EVL: variants seen among roughly 807,000 people sequenced by gnomAD.
EVL encodes Enah/Vasp-like, also known as ena/VASP-like protein.
In EVL, 21 loss-of-function variants were observed where a neutral mutation model predicts 59.6. That is an observed-to-expected ratio of 0.35 (90% CI 0.25 to 0.51). The LOEUF (loss-of-function observed/expected upper bound fraction) is 0.51, where lower values mean the gene tolerates loss of function less well. EVL is among the 20% of genes least tolerant of loss of function. The pLI is 0.97. For synonymous variants in EVL, 198 were observed against 203.5 expected, an observed-to-expected ratio of 0.97 and a Z score of 0.23; for missense variants, 462 against 546.6, an observed-to-expected ratio of 0.85 and a Z score of 1.54.
intron 1 of EVL, among the ~76,000 whole-genome samples, chr14:99,981,446 A>T (rs2060805907): frequency 6.6e-6 from 1 of 152,216 alleles, no homozygotes; most frequent in African/African-American, 2.4e-5. Context: ...AAATTAAAAA[A>T]AAGAAAAGTA....
Position 100,127,227 on chromosome 14 carries a change from G to A in EVL, c.487+456G>A, listed in dbSNP as rs563404195. On this transcript the variant is annotated intron_variant, in intron 5 of 13. Coordinates refer to ENST00000392920, the MANE Select transcript of EVL (RefSeq NM_016337.3). The surrounding 1 kb of genome is among the most constrained non-coding windows in gnomAD (Gnocchi z 4.2). ...CTTCCCACAGGAGGCGCTGCCACGC[G>A]TCTGTCTTGGACGTTCGGTGGAGCT... 1.2e-4 allele frequency among the ~76,000 whole-genome samples: 18 copies of A among 152,356 alleles called. No homozygotes were observed. Among genetic ancestry groups the A allele is most frequent in the Admixed American group, 9.1e-4 (14 of 15,312 alleles).
intron 1 of EVL, among the ~76,000 whole-genome samples, chr14:100,028,094 C>T (rs1595581845): frequency 6.7e-6 from 1 of 150,174 alleles, no homozygotes; most frequent in South Asian, 2.1e-4. Context: ...ATTTCTGGAT[C>T]ATATGGTAGT....
At chr14:100,055,293 T>C (rs1014653109) in intron 1 of EVL, among the ~76,000 whole-genome samples, 1 of 152,192 alleles carries the variant, frequency 6.6e-6, no homozygotes, top group African/African-American at 2.4e-5. Context: ...TTTCGTGTCT[T>C]GCCTTTTTCT....
At chr14:100,050,935 T>TG (rs1308091592) in intron 1 of EVL, among the ~76,000 whole-genome samples, 4 of 149,320 alleles carry the variant, frequency 2.7e-5, no homozygotes, top group Non-Finnish European at 4.4e-5. Context: ...AATTAAGAGA[T>TG]GGGGGTCTTA....
intron 11 of EVL, chr14:100,140,947 C>G: frequency 2.1e-6 from 1 of 484,398 alleles, no homozygotes. Flanking sequence ...TTGACCCCAG[C>G]CAGCCTTGGC....
At chr14:100,125,085 CACAG>C (rs1287216920) in intron 4 of EVL, among the ~76,000 whole-genome samples, 6 of 150,866 alleles carry the variant, frequency 4.0e-5, no homozygotes, top group African/African-American at 7.3e-5. Context: ...TGGGACCACA[CACAG>C]ACACAGACAC....
At chr14:100,042,227 A>T (rs72711912) in intron 1 of EVL, among the ~76,000 whole-genome samples, 2,708 of 152,312 alleles carry the variant, frequency 0.018, 35 homozygotes, top group Non-Finnish European at 0.027. Context: ...TGGACCGGCC[A>T]CATTTCAAGT....
intron 3 of EVL, among the ~76,000 whole-genome samples, chr14:100,102,001 C>G (rs1253208618): frequency 1.3e-5 from 2 of 152,026 alleles, no homozygotes; most frequent in Non-Finnish European, 2.9e-5. Flanking sequence ...CTATGCCTGG[C>G]TAATTTTTGT....
At chr14:99,973,532 G>A (rs1000489185) in intron 1 of EVL, among the ~76,000 whole-genome samples, 1 of 152,118 alleles carries the variant, frequency 6.6e-6, no homozygotes, top group Non-Finnish European at 1.5e-5. Flanking sequence ...GTGCGATCTC[G>A]GCTCACTGCA....
At chr14:100,099,179 CAAAAAAA>C (rs57154685) in intron 3 of EVL, among the ~76,000 whole-genome samples, 16 of 51,258 alleles carry the variant, frequency 3.1e-4, no homozygotes, top group Admixed American at 6.6e-4. Context: ...CCTGTCTCTA[CAAAAAAA>C]AAAAAAAAAA....
In EVL at chr14:100,092,670, G is replaced by A. The variant is rs145491078; in HGVS notation, c.181-4811G>A. The stretch of plus-strand genomic sequence containing the variant: ...GAATCGCTTGAACCCAGGAGGCAGA[G>A]GTTGCAGTGAGCTGAGATTGTGCCA... On this transcript the variant is annotated intron_variant, in intron 2 of 13. Coordinates refer to ENST00000392920, the MANE Select transcript of EVL (RefSeq NM_016337.3). Among the ~76,000 whole-genome samples the A allele has an allele frequency of 1.1e-3, 162 of 152,300 alleles. 1 individual carries two copies. The highest frequency in any genetic ancestry group is 3.6e-3 in the African/African-American group (148 of 41,558).
intron 1 of EVL, among the ~76,000 whole-genome samples, chr14:100,029,369 G>A (rs540699855): frequency 2.0e-5 from 3 of 152,232 alleles, no homozygotes; most frequent in African/African-American, 7.2e-5. Flanking sequence ...ATGTGGGAGG[G>A]CCCTTTTGAT....
At chr14:100,129,811 G>A in intron 7 of EVL, 127 bp downstream of exon 7, 5 of 1,342,844 alleles carry the variant, frequency 3.7e-6, no homozygotes, top group Non-Finnish European at 4.9e-6. Flanking sequence ...CCAAGCAGGG[G>A]AAACTGTTAC....
rs566589417 is a variant in EVL at position 100,090,455 on chromosome 14, A to G, written c.180+5600A>G. 1.5e-3 allele frequency among the ~76,000 whole-genome samples: 224 copies of G among 152,360 alleles called. 1 individual carries two copies. Among genetic ancestry groups the G allele is most frequent in the African/African-American group, 5.1e-3 (212 of 41,590 alleles). On this transcript the variant is annotated intron_variant, in intron 2 of 13. Coordinates refer to ENST00000392920, the MANE Select transcript of EVL (RefSeq NM_016337.3). Reference sequence around the variant, plus strand: ...CTTCCTATAATGTCTTCTTACAACCATGCTGTATAACCATGATACAAAAAC... The same window carrying G: ...CTTCCTATAATGTCTTCTTACAACCGTGCTGTATAACCATGATACAAAAAC...
At chr14:99,998,047 T>C (rs1250121489) in intron 1 of EVL, among the ~76,000 whole-genome samples, 4 of 152,108 alleles carry the variant, frequency 2.6e-5, no homozygotes, top group African/African-American at 9.7e-5. Context: ...TGAGACAAAG[T>C]CTTGCTCTTT....
chr14:100,001,269 G>A (rs977183548), intron 1 of EVL, among the ~76,000 whole-genome samples: 4 of 151,940 alleles, frequency 2.6e-5, no homozygotes, highest in South Asian at 2.1e-4. Context: ...AGGAAAAAAC[G>A]GAAGGAAAAG....
At chr14:100,137,066 C>T (rs944269956) in intron 9 of EVL, 2 of 161,040 alleles carry the variant, frequency 1.2e-5, no homozygotes, top group African/African-American at 4.8e-5. Flanking sequence ...CCTGCACAGT[C>T]AACGAATTCA....
At chr14:99,998,547 G>T (rs1447088764) in intron 1 of EVL, among the ~76,000 whole-genome samples, 3 of 152,132 alleles carry the variant, frequency 2.0e-5, no homozygotes, top group East Asian at 1.9e-4. Flanking sequence ...AAAGTTACTA[G>T]TTTTGTAAAA....
At chr14:100,080,912 G>A (rs2062286608) in intron 1 of EVL, among the ~76,000 whole-genome samples, 2 of 152,200 alleles carry the variant, frequency 1.3e-5, no homozygotes, top group East Asian at 3.8e-4. Flanking sequence ...AATTTCATAT[G>A]TATATGTTTT....
Sources: gnomAD v4.1 joint callset for allele counts (sites outside exome capture counted in the v4.1 genomes callset) on GRCh38, gnomAD v4.1.1 for gene constraint, Gnocchi (gnomAD v3.1) non-coding constraint, MANE v1.5 for transcripts, NCBI Gene and HGNC (gene_info 2026-07-23, HGNC 2026-07-21) for gene names.